Variants in EML4 observed in about 807,000 individuals in gnomAD.
EML4 encodes EMAP like 4.
EML4 carries 72 observed loss-of-function variants against 129.0 expected under a neutral mutation model. That is an observed-to-expected ratio of 0.56 (90% CI 0.46 to 0.68). EML4 has a LOEUF of 0.68. Among genes scored for constraint, EML4 ranks in the 30% least tolerant of loss-of-function variants. EML4 has a pLI of 0.00. For missense variants in EML4, 1,363 were observed against 1,190.6 expected, an observed-to-expected ratio of 1.14 and a Z score of -2.13; for synonymous variants, 532 against 405.0, an observed-to-expected ratio of 1.31 and a Z score of -3.77.
chr2:42,248,144 T>G lies in EML4; in HGVS notation c.208+2457T>G, dbSNP rs568671108. 1.6e-4 allele frequency among the ~76,000 whole-genome samples: 25 copies of G among 152,102 alleles called. No individual in the cohort carries two copies. The East Asian group carries it at 2.7e-3, about 16-fold the overall frequency. ...TACACCACCATGCCCTGCTAAAACC[T>G]TTTCTTTTTTTTGTACAGGCGGAAT... On this transcript the variant is annotated intron_variant, in intron 2 of 22. Coordinates refer to ENST00000318522, the MANE Select transcript of EML4 (RefSeq NM_019063.5).
intron 11 of EML4, chr2:42,289,746 A>G (rs1451839876): frequency 1.3e-5 from 2 of 151,900 alleles, no homozygotes; most frequent in Non-Finnish European, 2.9e-5. Context: ...AGCACTTTCT[A>G]GTACAAGCGA....
rs759947127 is a variant in EML4 at position 42,264,661 on chromosome 2, A to T, written c.642-45A>T. 1.8e-5 allele frequency: 20 copies of T among 1,118,816 alleles called. No homozygotes were observed. In the East Asian group the frequency reaches 4.4e-4, roughly 24 times the overall value. 69.3% of individuals were successfully genotyped at this position (1,118,816 alleles called of 1,614,324 possible). On this transcript the variant is annotated intron_variant, in intron 5 of 22. Coordinates refer to ENST00000318522, the MANE Select transcript of EML4 (RefSeq NM_019063.5). ...CTTGAGGTGATTTTAATGGTTAGCC[A>T]TATAAACTTATAAAATAAATGTGTT...
In EML4 at chr2:42,256,483, T is replaced by C. The variant is rs1364809938; in HGVS notation, c.209-18T>C. 1 of 1,573,700 alleles carries C rather than the reference T, an allele frequency of 6.4e-7. No individual in the cohort carries two copies. Among genetic ancestry groups the C allele is most frequent in the East Asian group, 2.2e-5 (1 of 44,492 alleles). On this transcript the variant is annotated intron_variant, in intron 2 of 22. Coordinates refer to ENST00000318522, the MANE Select transcript of EML4 (RefSeq NM_019063.5). ...TATATTCAAATTTGATATAATTTTT[T>C]TCCTTAATTATCTTTAGGCCAACCA...
At chr2:42,220,574 A>G (rs1673523454) in intron 1 of EML4, among the ~76,000 whole-genome samples, 1 of 152,080 alleles carries the variant, frequency 6.6e-6, no homozygotes, top group South Asian at 2.1e-4. Context: ...ATTCCCTGAG[A>G]TAACAATATT....
Position 42,329,884 on chromosome 2 carries a change from A to G in EML4, c.2623A>G (p.Thr875Ala), listed in dbSNP as rs1251616867. 7 of 1,614,088 alleles carry G rather than the reference A, an allele frequency of 4.3e-6. No homozygotes were observed. Among genetic ancestry groups the G allele is most frequent in the Non-Finnish European group, 5.9e-6 (7 of 1,180,026 alleles). Reference protein sequence around the residue: ...VEKLSLPQNETVADTTLTKAP... With the variant: ...VEKLSLPQNEAVADTTLTKAP... ...AAAGTTATCTTTGCCTCAGAATGAG[A>G]CTGTAGCGGATACTACTCTAACCAA... The change falls in exon 23 of 23, where the codon ACT (threonine) becomes GCT (alanine). Residue 875 changes from threonine (T) to alanine (A), a missense_variant. Thr to Ala is a moderately conservative substitution (Grantham distance 58, BLOSUM62 0). Transcript: ENST00000318522.
At chr2:42,214,367 A>G (rs1432415710) in intron 1 of EML4, among the ~76,000 whole-genome samples, 1 of 152,212 alleles carries the variant, frequency 6.6e-6, no homozygotes, top group Non-Finnish European at 1.5e-5. Flanking sequence ...TAGGCTAGGC[A>G]GTTATTCCCA....
At chr2:42,172,032 A>G (rs948669770) in intron 1 of EML4, among the ~76,000 whole-genome samples, 1 of 151,718 alleles carries the variant, frequency 6.6e-6, no homozygotes, top group African/African-American at 2.4e-5. Context: ...AAAGGCAAGC[A>G]CTTCTACTCT....
At chr2:42,200,312 A>G (rs1672150375) in intron 1 of EML4, among the ~76,000 whole-genome samples, 1 of 152,096 alleles carries the variant, frequency 6.6e-6, no homozygotes. Flanking sequence ...GCGACAGAAC[A>G]AGACTACGCC....
chr2:42,295,000 C>G, intron 11 of EML4, 125 bp from the exon 12 acceptor site: 1 of 832,166 alleles, frequency 1.2e-6, no homozygotes, highest in Non-Finnish European at 1.8e-6. Context: ...GGAAAATTGT[C>G]TTAGAAGAAG....
At chr2:42,229,336 T>TG (rs1024598201) in intron 1 of EML4, among the ~76,000 whole-genome samples, 1 of 152,206 alleles carries the variant, frequency 6.6e-6, no homozygotes, top group African/African-American at 2.4e-5. Flanking sequence ...TTAAGAAACT[T>TG]GCCTGGGTAT....
intron 1 of EML4, among the ~76,000 whole-genome samples, chr2:42,179,917 TAC>T (rs1308078498): frequency 1.3e-5 from 2 of 152,154 alleles, no homozygotes; most frequent in East Asian, 3.9e-4. Flanking sequence ...GTTTTATATA[TAC>T]ACACAGATAC....
rs550385478 is a variant in EML4, at chr2:42,321,332, A to G, written c.2154+3808A>G. ...CGGGAGGCGGAGCTTGCAGTGAGCC[A>G]AGATGGCGCCACTGCACTCCAGCCT... On this transcript the variant is annotated intron_variant, in intron 19 of 22. Transcript: ENST00000318522. Among the ~76,000 whole-genome samples the G allele has an allele frequency of 5.9e-5, 9 of 152,202 alleles. No homozygotes were observed. The East Asian group carries it at 1.7e-3, about 29-fold the overall frequency.
intron 6 of EML4, among the ~76,000 whole-genome samples, chr2:42,275,607 A>G (rs1666613970): frequency 6.6e-6 from 1 of 152,106 alleles, no homozygotes; most frequent in Non-Finnish European, 1.5e-5. Context: ...TAATTAAACT[A>G]CTCTATCACT....
chr2:42,237,980 A>G (rs949934861), intron 1 of EML4, among the ~76,000 whole-genome samples: 1 of 152,178 alleles, frequency 6.6e-6, no homozygotes, highest in Non-Finnish European at 1.5e-5. Flanking sequence ...CCAAAAAACA[A>G]CCAGTTGTCC....
intron 1 of EML4, among the ~76,000 whole-genome samples, chr2:42,185,491 G>C (rs1047493364): frequency 2.6e-5 from 4 of 152,274 alleles, no homozygotes; most frequent in African/African-American, 9.6e-5. Context: ...GCTTAAGGTT[G>C]AAACTTGTTC....
At chr2:42,212,116 G>A (rs540481744) in intron 1 of EML4, among the ~76,000 whole-genome samples, 10 of 152,234 alleles carry the variant, frequency 6.6e-5, no homozygotes, top group Non-Finnish European at 1.0e-4. Context: ...AAAGTGTTGG[G>A]ATTACAGGTG....
rs1278352534 is a variant in EML4 at position 42,169,358 on chromosome 2, G to A, written c.-254G>A. 1.0e-5 allele frequency: 2 copies of A among 191,068 alleles called. No individual in the cohort carries two copies. The highest frequency in any genetic ancestry group is 2.2e-5 in the Non-Finnish European group (2 of 92,936). 11.8% of individuals were successfully genotyped at this position (191,068 alleles called of 1,614,324 possible). ...GGGGCGGGGCGCGGCGCGGCGCGGC[G>A]CTCGCGGCTGCTGCCTGGGAGGGAG... On this transcript the variant is annotated 5_prime_UTR_variant, in exon 1 of 23. Coordinates refer to ENST00000318522, the MANE Select transcript of EML4 (RefSeq NM_019063.5).
At chr2:42,316,293 A>G (rs1246134176) in intron 18 of EML4, among the ~76,000 whole-genome samples, 6 of 152,246 alleles carry the variant, frequency 3.9e-5, no homozygotes, top group African/African-American at 1.4e-4. Context: ...AATTGAAAGC[A>G]GAATAAAGTG....
chr2:42,228,394 T>G (rs1056567087), intron 1 of EML4, among the ~76,000 whole-genome samples: 1 of 152,176 alleles, frequency 6.6e-6, no homozygotes, highest in Non-Finnish European at 1.5e-5. Flanking sequence ...TAGCTTGTGG[T>G]TGATTGATAG....
Sources: gnomAD v4.1 joint callset for allele counts (sites outside exome capture counted in the v4.1 genomes callset) on GRCh38, gnomAD v4.1.1 for gene constraint, MANE v1.5 for transcripts, NCBI Gene and HGNC (gene_info 2026-07-23, HGNC 2026-07-21) for gene names.